The following ANK1 variants were observed in gnomAD, a reference collection of about 807,000 sequenced individuals.
ANK1 encodes ankyrin 1.
ANK1 carries 51 observed loss-of-function variants against 210.4 expected under a neutral mutation model. That is an observed-to-expected ratio of 0.24 (90% CI 0.19 to 0.31). The LOEUF is 0.31. Among genes scored for constraint, ANK1 ranks in the 10% least tolerant of loss-of-function variants. ANK1 has a pLI of 1.00. For synonymous variants in ANK1, 967 were observed against 1,025.9 expected, an observed-to-expected ratio of 0.94 and a Z score of 1.10; for missense variants, 2,051 against 2,504.4, an observed-to-expected ratio of 0.82 and a Z score of 3.86.
In ANK1 at chr8:41,723,643, G is replaced by C. The variant is rs754928439; in HGVS notation, c.712-10C>G. 5.6e-6 allele frequency: 9 copies of C among 1,611,290 alleles called. No homozygotes were observed. The Admixed American group carries it at 6.7e-5, about 12-fold the overall frequency. On this transcript the variant is annotated splice_polypyrimidine_tract_variant and intron_variant, in intron 7 of 42. Transcript: ENST00000289734. ...GTGGCGTGATGCCGTTCTGAAGGGA[G>C]GAAGCAGGACGGTCAGGGCGCGTCA...
At chr8:41,825,076 C>T (rs75145103) in intron 1 of ANK1, among the ~76,000 whole-genome samples, 4,007 of 152,310 alleles carry the variant, frequency 0.026, 163 homozygotes, top group African/African-American at 0.087. Flanking sequence ...GAGGCCACAA[C>T]GGGAGGGAAG....
intron 42 of ANK1, among the ~76,000 whole-genome samples, chr8:41,658,516 G>A (rs901811594): frequency 2.0e-5 from 3 of 152,216 alleles, no homozygotes; most frequent in Admixed American, 6.5e-5. Context: ...GCAGGAGGAG[G>A]CCTTGATTCT....
chr8:41,800,564 G>C (rs1849704612), upstream of ANK1, among the ~76,000 whole-genome samples: 1 of 152,236 alleles, frequency 6.6e-6, no homozygotes, highest in Non-Finnish European at 1.5e-5. Context: ...CCATGACCCA[G>C]CTAACAAAGA....
At position 41,694,896 on chromosome 8, in the gene ANK1, AGTGCACACACCCTCCCCAG is replaced by A; in HGVS notation, c.3116-112_3116-94del. The A allele has an allele frequency of 1.5e-6, 2 of 1,327,050 alleles. No individual in the cohort carries two copies. Among genetic ancestry groups the A allele is most frequent in the Non-Finnish European group, 2.1e-6 (2 of 937,410 alleles). The allele number at this position is 1,327,050 out of a possible 1,614,324, so 82.2% of individuals were successfully genotyped here. On this transcript the variant is annotated intron_variant, in intron 27 of 42. Transcript: ENST00000289734. The surrounding 1 kb of genome is among the most constrained non-coding windows in gnomAD (Gnocchi z 5.7). ...CAGAGTCTCCTTGTCCCCAAGACCCAGTGCACACACCCTCCCCAGGTGCCGGGCGGCATAGTGGCCAGAA... is the reference window on the plus strand; with the variant it reads ...CAGAGTCTCCTTGTCCCCAAGACCCAGTGCCGGGCGGCATAGTGGCCAGAA...
At chr8:41,695,138 G>T in intron 27 of ANK1, 39 bp downstream of exon 27, 2 of 1,612,874 alleles carry the variant, frequency 1.2e-6, no homozygotes, top group Non-Finnish European at 8.5e-7. Context: ...CCCCTCTTCC[G>T]CAAGGAGGGG....
chr8:41,766,681 G>C (rs1214619207), intron 1 of ANK1, among the ~76,000 whole-genome samples: 1 of 152,166 alleles, frequency 6.6e-6, no homozygotes, highest in African/African-American at 2.4e-5. Context: ...TCGACCACTT[G>C]ATGCTGTGCT....
At chr8:41,742,745 G>A (rs546644399) in intron 2 of ANK1, among the ~76,000 whole-genome samples, 8 of 152,180 alleles carry the variant, frequency 5.3e-5, no homozygotes, top group East Asian at 1.9e-4. Flanking sequence ...GAATAGGCCC[G>A]ATAGCAGTGG....
chr8:41,791,042 C>G (rs1847558073), intron 1 of ANK1, among the ~76,000 whole-genome samples: 1 of 152,140 alleles, frequency 6.6e-6, no homozygotes, highest in South Asian at 2.1e-4. Flanking sequence ...CACCAGGTGG[C>G]TGCACAAGCC....
rs1376266690 is a variant in ANK1 at position 41,692,729 on chromosome 8, G to A, written c.3777C>T (p.Tyr1259=). Residue 1259 remains tyrosine (Y), a synonymous_variant, in exon 31 of 43, where the codon TAC becomes TAT. Transcript: ENST00000289734. ...NDPREGRLRC[Y]CMTDDKVDKT... ...TGTCCACTTTATCATCTGTCATGCA[G>A]TAGCAGCGCAGGCGCCCCTCTCGGG... 1 of 1,613,920 alleles carries A rather than the reference G, an allele frequency of 6.2e-7. No individual in the cohort carries two copies. Among genetic ancestry groups the A allele is most frequent in the East Asian group, 2.2e-5 (1 of 44,876 alleles).
intron 1 of ANK1, among the ~76,000 whole-genome samples, chr8:41,892,979 G>A (rs1053832415): frequency 2.6e-5 from 4 of 152,174 alleles, no homozygotes; most frequent in African/African-American, 7.2e-5. Context: ...GGGTCTCACC[G>A]TGTTGCAGGT....
At chr8:41,805,917 C>A (rs1035210886) in intron 1 of ANK1, among the ~76,000 whole-genome samples, 1 of 152,168 alleles carries the variant, frequency 6.6e-6, no homozygotes, top group Non-Finnish European at 1.5e-5. Flanking sequence ...ATTTTAATAG[C>A]CTTTTCATTT....
chr8:41,846,068 G>A (rs1810003200), intron 1 of ANK1, among the ~76,000 whole-genome samples: 1 of 152,234 alleles, frequency 6.6e-6, no homozygotes, highest in Non-Finnish European at 1.5e-5. Context: ...GACCAGCCAG[G>A]AGGCTCCATA....
chr8:41,718,866 A>G (rs1395505469), intron 10 of ANK1, among the ~76,000 whole-genome samples: 1 of 152,150 alleles, frequency 6.6e-6, no homozygotes, highest in Non-Finnish European at 1.5e-5. Flanking sequence ...ATCCTACAAC[A>G]CACAAGACCA....
chr8:41,653,691 C>G lies in ANK1; in HGVS notation c.*2099G>C, dbSNP rs1175031209. 6.6e-6 allele frequency: 1 copy of G among 152,348 alleles called. No homozygotes were observed. The highest frequency in any genetic ancestry group is 1.5e-5 in the Non-Finnish European group (1 of 68,134). The allele number at this position is 152,348 out of a possible 1,614,324, so 9.4% of individuals were successfully genotyped here. ...TCGGTCCCAGCCGCGCTGTGCGGCC[C>G]CCCTGCCGTGGCCCCCGGGATGGGG... On this transcript the variant is annotated 3_prime_UTR_variant, in exon 43 of 43. Transcript: ENST00000289734.
intron 1 of ANK1, among the ~76,000 whole-genome samples, chr8:41,841,022 G>A (rs939419893): frequency 2.6e-5 from 4 of 152,124 alleles, no homozygotes; most frequent in East Asian, 1.9e-4. Context: ...CGAATCTACC[G>A]TGTAACCCAT....
intron 3 of ANK1, among the ~76,000 whole-genome samples, chr8:41,728,223 C>T (rs1831221952): frequency 1.3e-5 from 2 of 152,116 alleles, no homozygotes; most frequent in Admixed American, 1.3e-4. Flanking sequence ...CTATGACAAA[C>T]AATGCTGCAA....
rs79227045 is a variant in ANK1 at position 41,873,306 on chromosome 8, T to C, written c.126+23049A>G. On this transcript the variant is annotated intron_variant, in intron 1 of 42. Transcript: ENST00000265709. Reference sequence around the variant, plus strand: ...AAGTCATATTTGGTCCATCACATCCTGACAGTGCCGCTTTCTCTTAGGGAT... The same window carrying C: ...AAGTCATATTTGGTCCATCACATCCCGACAGTGCCGCTTTCTCTTAGGGAT... 6.5e-3 allele frequency among the ~76,000 whole-genome samples: 997 copies of C among 152,346 alleles called. 13 individuals carry two copies. The highest frequency in any genetic ancestry group is 0.023 in the African/African-American group (964 of 41,578).
At chr8:41,797,996 T>C (rs1281646748), upstream of ANK1, among the ~76,000 whole-genome samples, 4 of 150,220 alleles carry the variant, frequency 2.7e-5, no homozygotes, top group Non-Finnish European at 5.9e-5. The surrounding 1 kb of genome is among the most constrained non-coding windows in gnomAD (Gnocchi z 4.0). Flanking sequence ...TAAGCGGGAA[T>C]TTCTTTTTAG....
chr8:41,717,936 G>A (rs778224506), intron 11 of ANK1, among the ~76,000 whole-genome samples, 170 bp downstream of exon 11: 1 of 152,164 alleles, frequency 6.6e-6, no homozygotes, highest in Non-Finnish European at 1.5e-5. Flanking sequence ...CATGAGACTT[G>A]ACTCATGTTC....
Sources: gnomAD v4.1 joint callset for allele counts (sites outside exome capture counted in the v4.1 genomes callset) on GRCh38, gnomAD v4.1.1 for gene constraint, Gnocchi (gnomAD v3.1) non-coding constraint, MANE v1.5 for transcripts, NCBI Gene and HGNC (gene_info 2026-07-23, HGNC 2026-07-21) for gene names.